Variants in GPALPP1 observed in about 807,000 individuals in gnomAD.
GPALPP1 encodes GPALPP motifs-containing protein 1.
Under a neutral mutation model 38.9 loss-of-function variants are expected in GPALPP1, and 30 were observed. That is an observed-to-expected ratio of 0.77 (90% confidence interval 0.58 to 1.05). The LOEUF (loss-of-function observed/expected upper bound fraction) is 1.05. Among genes scored for constraint, GPALPP1 ranks in the 50% least tolerant of loss-of-function variants. GPALPP1 has a pLI of 0.00. For missense variants in GPALPP1, 384 were observed against 408.8 expected (o/e 0.94, Z 0.52); for synonymous variants, 120 against 139.2 (o/e 0.86, Z 0.97).
At chr13:45,019,747 A>G (rs1301838824) in intron 6 of GPALPP1, among the ~76,000 whole-genome samples, 1 of 150,514 alleles carries the variant, frequency 6.6e-6, no homozygotes, top group Admixed American at 6.6e-5. Context: ...ACATCTCACC[A>G]CTGTTAAGTC....
chr13:45,035,944 T>A (rs1310909598), exon 8 of GPALPP1: 1 of 152,162 alleles, frequency 6.6e-6, no homozygotes, highest in Non-Finnish European at 1.5e-5. Flanking sequence ...GTGGGAGGAT[T>A]GCTTGAGGCC....
downstream of GPALPP1, chr13:45,034,747 T>TA (rs1312076869): frequency 2.7e-5 from 4 of 148,476 alleles, no homozygotes; most frequent in Admixed American, 1.3e-4. Context: ...TTTTTATTTT[T>TA]TTTTTTTGAG....
In GPALPP1 at chr13:45,006,206, C is replaced by G; in HGVS notation, c.226C>G (p.Gln76Glu). 1 of 1,594,310 alleles carries G rather than the reference C, an allele frequency of 6.3e-7. No homozygotes were observed. The highest frequency in any genetic ancestry group is 8.6e-7 in the Non-Finnish European group (1 of 1,167,884). Residue 76 changes from glutamine to glutamate, a missense_variant, in exon 3 of 8, where the codon CAG becomes GAG. Physicochemically the swap from Gln to Glu is conservative, Grantham distance 29. Coordinates refer to ENST00000379151, the MANE Select transcript of GPALPP1 (RefSeq NM_018559.5). Reference protein sequence around the residue: ...EDDSGPTARKQRKNQDDDDDD... With the variant: ...EDDSGPTARKERKNQDDDDDD... ...GTTATACTACTATGTTTTCAGAAAACAGAGGAAAAATCAGGATGATGACGA... is the reference window on the plus strand; with the variant it reads ...GTTATACTACTATGTTTTCAGAAAAGAGAGGAAAAATCAGGATGATGACGA...
At chr13:45,030,860 T>G (rs1354821696), downstream of GPALPP1, 1 of 152,138 alleles carries the variant, frequency 6.6e-6, no homozygotes, top group Non-Finnish European at 1.5e-5. Flanking sequence ...GCATTGCTAT[T>G]AAAAAGATGA....
rs1566082203 is a variant in GPALPP1, at chr13:45,019,088, TG to T, written c.706-1241del. Among the ~76,000 whole-genome samples, 20 of 138,924 alleles carry T rather than the reference TG, an allele frequency of 1.4e-4. No homozygotes were observed. The East Asian group carries it at 1.6e-3, about 11-fold the overall frequency. 91.1% of individuals were successfully genotyped at this position (138,924 alleles called of 152,430 possible). On this transcript the variant is annotated intron_variant, in intron 6 of 7. Coordinates refer to ENST00000379151, the MANE Select transcript of GPALPP1 (RefSeq NM_018559.5). ...ATATAAATATATACATATAAATATA[TG>T]TATATATATTTATATATATTTATAT...
At chr13:45,020,033 C>T (rs998861737) in intron 6 of GPALPP1, among the ~76,000 whole-genome samples, 4 of 151,752 alleles carry the variant, frequency 2.6e-5, no homozygotes, top group African/African-American at 4.8e-5. Flanking sequence ...TACAGGCACC[C>T]GCCACCATGC....
chr13:45,021,518 C>T (rs1482982328), intron 7 of GPALPP1, among the ~76,000 whole-genome samples: 2 of 152,006 alleles, frequency 1.3e-5, no homozygotes, highest in African/African-American at 2.4e-5. Flanking sequence ...GATGTAGTGG[C>T]TCATGTCTAT....
At chr13:45,017,284 T>C (rs1593400163) in intron 6 of GPALPP1, among the ~76,000 whole-genome samples, 1 of 152,332 alleles carries the variant, frequency 6.6e-6, no homozygotes, top group Non-Finnish European at 1.5e-5. Flanking sequence ...ACTTGAGCAC[T>C]CTGCCTGCAT....
intron 1 of GPALPP1, among the ~76,000 whole-genome samples, chr13:44,994,762 TTTG>T (rs1001730342): frequency 2.6e-5 from 4 of 152,318 alleles, no homozygotes; most frequent in African/African-American, 4.8e-5. Context: ...TTCGTGGTTT[TTTG>T]TTGTTGTTGT....
In GPALPP1 at chr13:45,006,215, A is replaced by T. The variant is rs775699882; in HGVS notation, c.235A>T (p.Asn79Tyr). The T allele has an allele frequency of 5.0e-6, 8 of 1,603,762 alleles. No individual in the cohort carries two copies. In the Middle Eastern group the frequency reaches 8.3e-4, roughly 166 times the overall value. Residue 79 changes from asparagine (N) to tyrosine (Y), a missense_variant, in exon 3 of 8, where the codon AAT becomes TAT. Asn to Tyr is a moderately radical substitution (Grantham distance 143). Transcript: ENST00000379151. Reference sequence around the variant, plus strand: ...CTATGTTTTCAGAAAACAGAGGAAAAATCAGGATGATGACGATGATGATGA... The same window carrying T: ...CTATGTTTTCAGAAAACAGAGGAAATATCAGGATGATGACGATGATGATGA... ...SGPTARKQRK[N>Y]QDDDDDDDDG...
chr13:44,994,261 T>TGAATTTAGAGTCTAATTTCTTA (rs1355888731), intron 1 of GPALPP1, among the ~76,000 whole-genome samples: 2 of 149,532 alleles, frequency 1.3e-5, no homozygotes, highest in East Asian at 3.9e-4. Flanking sequence ...GAAAGAAACT[T>TGAATTTAGAGTCTAATTTCTTA]GAATTTAGAG....
intron 3 of GPALPP1, among the ~76,000 whole-genome samples, chr13:45,007,748 C>T (rs988572683): frequency 4.6e-5 from 7 of 152,306 alleles, no homozygotes; most frequent in African/African-American, 1.7e-4. Context: ...ATGGTGCAAC[C>T]TGGAAATTTT....
chr13:44,995,850 G>T (rs904785952), intron 1 of GPALPP1, among the ~76,000 whole-genome samples: 3 of 152,184 alleles, frequency 2.0e-5, no homozygotes, highest in African/African-American at 7.2e-5. Flanking sequence ...TGCTGGTCCT[G>T]CTGGTGCCAA....
intron 1 of GPALPP1, among the ~76,000 whole-genome samples, chr13:44,996,023 G>A (rs1267953328): frequency 6.6e-6 from 1 of 152,124 alleles, no homozygotes; most frequent in African/African-American, 2.4e-5. Flanking sequence ...AGCACAAAGT[G>A]GGTACTCAGT....
At chr13:44,997,132 T>C (rs1873353486) in intron 1 of GPALPP1, among the ~76,000 whole-genome samples, 1 of 151,418 alleles carries the variant, frequency 6.6e-6, no homozygotes, top group Non-Finnish European at 1.5e-5. Context: ...CTTAGCATAA[T>C]GTCCTTAAGT....
intron 7 of GPALPP1, among the ~76,000 whole-genome samples, chr13:45,027,380 T>G (rs1875908511): frequency 6.6e-6 from 1 of 152,230 alleles, no homozygotes; most frequent in Admixed American, 6.5e-5. Context: ...TTATGGAACA[T>G]GCCAACATAT....
At chr13:45,014,353 T>C (rs1292031582) in intron 4 of GPALPP1, among the ~76,000 whole-genome samples, 1 of 152,234 alleles carries the variant, frequency 6.6e-6, no homozygotes, top group Non-Finnish European at 1.5e-5. Flanking sequence ...AAACACTTAA[T>C]GCTAAATCAC....
At chr13:45,008,146 GA>G (rs1282681894) in intron 3 of GPALPP1, among the ~76,000 whole-genome samples, 1 of 152,162 alleles carries the variant, frequency 6.6e-6, no homozygotes, top group Non-Finnish European at 1.5e-5. Context: ...TTGTTTTAAG[GA>G]AACAGATGCA....
intron 4 of GPALPP1, among the ~76,000 whole-genome samples, chr13:45,012,073 A>G (rs1874520060): frequency 6.6e-6 from 1 of 152,232 alleles, no homozygotes. Flanking sequence ...GCAGGGGACT[A>G]CAGTCGTTTT....
Sources: allele counts gnomAD v4.1 joint callset (sites outside exome capture counted in the v4.1 genomes callset), GRCh38; gene constraint gnomAD v4.1.1; transcripts MANE v1.5; gene names NCBI Gene and HGNC (gene_info 2026-07-23, HGNC 2026-07-21).